TBCD: variants seen among roughly 807,000 people sequenced by gnomAD.
TBCD encodes tubulin-specific chaperone D.
TBCD carries 105 observed loss-of-function variants against 169.3 expected under a neutral mutation model. The observed-to-expected ratio is 0.62, with a 90% CI of 0.53 to 0.73. TBCD has a LOEUF of 0.73. TBCD is among the 30% of genes least tolerant of loss of function. The pLI, the probability that TBCD is intolerant of heterozygous loss-of-function variation, is 0.00. For synonymous variants in TBCD, 700 were observed against 643.9 expected (o/e 1.09, Z -1.32); for missense variants, 1,444 against 1,600.1 (o/e 0.90, Z 1.66).
At chr17:82,817,270 A>G (rs2051997640) in intron 13 of TBCD, among the ~76,000 whole-genome samples, 1 of 152,066 alleles carries the variant, frequency 6.6e-6, no homozygotes, top group Non-Finnish European at 1.5e-5. Context: ...AGTTGGGACT[A>G]CAGGGGTGCA....
At chr17:82,902,145 A>T (rs1322619806) in intron 18 of TBCD, among the ~76,000 whole-genome samples, 1 of 151,934 alleles carries the variant, frequency 6.6e-6, no homozygotes, top group Admixed American at 6.6e-5. Context: ...TCTCTTCCTA[A>T]TGTATTGACC....
At chr17:82,762,916 CCTT>C (rs1482892271) in intron 2 of TBCD, among the ~76,000 whole-genome samples, 3 of 152,196 alleles carry the variant, frequency 2.0e-5, no homozygotes, top group South Asian at 4.1e-4. Flanking sequence ...CTCGTTGTGT[CCTT>C]CTCTGCGTTT....
intron 17 of TBCD, among the ~76,000 whole-genome samples, chr17:82,899,625 T>G (rs895874431): frequency 6.6e-6 from 1 of 152,408 alleles, no homozygotes; most frequent in Non-Finnish European, 1.5e-5. Flanking sequence ...GAAATCATCT[T>G]CATGTGGATG....
At position 82,832,161 on chromosome 17, in the gene TBCD, G is replaced by T; in HGVS notation, c.1318+17227G>T. 6.2e-7 allele frequency: 1 copy of T among 1,614,234 alleles called. No individual in the cohort carries two copies. On this transcript the variant is annotated intron_variant, in intron 13 of 38. Transcript: ENST00000355528. This position sits in a 1 kb window ranked among gnomAD's most constrained non-coding sequence, Gnocchi z 4.9. ...CAGAGCTGTGCTGAAGCTTCGAGTC[G>T]AAGGCAGAGAGTCCATTTGCGACAG...
chr17:82,920,579 T>G lies in TBCD; in HGVS notation c.2062T>G (p.Ser688Ala). Residue 688 changes from serine (S) to alanine (A), a missense_variant, in exon 24 of 39, where the codon TCA (serine) becomes GCA (alanine). By Grantham distance (99) the Ser-to-Ala change is moderately conservative. Transcript: ENST00000355528. This position sits in a 1 kb window ranked among gnomAD's most constrained non-coding sequence, Gnocchi z 4.1. ...QAVCVLIEKL[S>A]LSKMPFRGDT... is the part of the protein sequence containing the mutation. Reference sequence around the variant, plus strand: ...AGTGTGTGTTTTAATAGAAAAGTTGTCACTTTCCAAAATGCCCTTTAGAGG... The same window carrying G: ...AGTGTGTGTTTTAATAGAAAAGTTGGCACTTTCCAAAATGCCCTTTAGAGG... 3 of 1,549,110 alleles carry G rather than the reference T, an allele frequency of 1.9e-6. No homozygotes were observed. Among genetic ancestry groups the G allele is most frequent in the Non-Finnish European group, 2.6e-6 (3 of 1,147,316 alleles).
At chr17:82,861,348 ACGT>A (rs1567908432) in intron 13 of TBCD, among the ~76,000 whole-genome samples, 4 of 84,754 alleles carry the variant, frequency 4.7e-5, no homozygotes, top group Non-Finnish European at 5.3e-5. Flanking sequence ...CCGCTGGTTC[ACGT>A]CAGCCGCTGG....
chr17:82,942,355 T>TC, intron 38 of TBCD, 94 bp from the exon 39 acceptor site: 1 of 1,570,100 alleles, frequency 6.4e-7, no homozygotes, highest in Non-Finnish European at 8.7e-7. Flanking sequence ...ACCGTGTCAG[T>TC]CCCCACACAG....
chr17:82,819,074 AG>A (rs555332079), intron 13 of TBCD, among the ~76,000 whole-genome samples: 108 of 152,376 alleles, frequency 7.1e-4, no homozygotes, highest in African/African-American at 2.6e-3. Flanking sequence ...AAGAAAAAAA[AG>A]CGCGAAAACA....
In TBCD at chr17:82,835,596, T is replaced by G. The variant is rs1185709990; in HGVS notation, c.1318+20662T>G. Among the ~76,000 whole-genome samples the G allele has an allele frequency of 6.6e-6, 1 of 152,066 alleles. No homozygotes were observed. Among genetic ancestry groups the G allele is most frequent in the Non-Finnish European group, 1.5e-5 (1 of 68,010 alleles). ...TACCACCACGCCCAGCTAATTTTTT[T>G]GTAATTTTAGTAGAGATGGGGTTTC... On this transcript the variant is annotated intron_variant, in intron 13 of 38. Transcript: ENST00000355528. The surrounding 1 kb of genome is among the most constrained non-coding windows in gnomAD (Gnocchi z 4.5).
intron 8 of TBCD, among the ~76,000 whole-genome samples, chr17:82,799,262 G>A (rs1164755049): frequency 6.6e-6 from 1 of 151,802 alleles, no homozygotes; most frequent in Non-Finnish European, 1.5e-5. Context: ...GGCCAACATA[G>A]TGAAACCCCA....
At chr17:82,894,534 G>T (rs2059354138) in intron 17 of TBCD, among the ~76,000 whole-genome samples, 1 of 152,214 alleles carries the variant, frequency 6.6e-6, no homozygotes, top group African/African-American at 2.4e-5. Context: ...ACCAGCCTGG[G>T]CAGAATTTTG....
chr17:82,768,156 T>C (rs755218627), intron 4 of TBCD, among the ~76,000 whole-genome samples: 10 of 152,124 alleles, frequency 6.6e-5, no homozygotes, highest in Non-Finnish European at 1.2e-4. Context: ...TATACTGATG[T>C]ATTATGATTT....
chr17:82,802,110 C>T (rs1025449143), intron 9 of TBCD, among the ~76,000 whole-genome samples: 1 of 147,080 alleles, frequency 6.8e-6, no homozygotes, highest in East Asian at 2.0e-4. Flanking sequence ...ATGACAGGCT[C>T]CCTTTCAAAG....
chr17:82,849,847 C>T (rs2055501765), intron 13 of TBCD, among the ~76,000 whole-genome samples: 2 of 152,278 alleles, frequency 1.3e-5, no homozygotes, highest in South Asian at 4.1e-4. Flanking sequence ...AGAAGCGAAG[C>T]AGTAGCCCCC....
rs768508186 is a variant in TBCD, at chr17:82,831,417, G to A, written c.1318+16483G>A. 1.2e-6 allele frequency: 2 copies of A among 1,614,210 alleles called. No individual in the cohort carries two copies. The highest frequency in any genetic ancestry group is 1.1e-5 in the South Asian group (1 of 91,090). Reference sequence around the variant, plus strand: ...GGGTGGCTTCTTCAAGCAGGTGAGAGCTCTGATCTCGGGTGAGGCCAGTGA... The same window carrying A: ...GGGTGGCTTCTTCAAGCAGGTGAGAACTCTGATCTCGGGTGAGGCCAGTGA... On this transcript the variant is annotated intron_variant, in intron 13 of 38. Coordinates refer to ENST00000355528, the MANE Select transcript of TBCD (RefSeq NM_005993.5). The surrounding 1 kb of genome is among the most constrained non-coding windows in gnomAD (Gnocchi z 4.6).
At chr17:82,924,898 G>C (rs1178658095) in intron 26 of TBCD, 41 bp from the exon 27 acceptor site, 5 of 1,492,330 alleles carry the variant, frequency 3.4e-6, no homozygotes, top group Non-Finnish European at 4.6e-6. Flanking sequence ...TACACGATGG[G>C]CAGCAGAGGG....
intron 13 of TBCD, among the ~76,000 whole-genome samples, chr17:82,846,809 A>G (rs937919992): frequency 6.6e-6 from 1 of 152,220 alleles, no homozygotes; most frequent in Non-Finnish European, 1.5e-5. Flanking sequence ...AACAGAGCGC[A>G]GCTGAGAAGG....
chr17:82,910,103 T>C (rs1264324399), intron 22 of TBCD, among the ~76,000 whole-genome samples: 1 of 152,248 alleles, frequency 6.6e-6, no homozygotes, highest in African/African-American at 2.4e-5. Flanking sequence ...GTAGGGAAGC[T>C]GCTGTGCACA....
chr17:82,758,787 G>A lies in TBCD; in HGVS notation c.235+2572G>A, dbSNP rs149238625. On this transcript the variant is annotated intron_variant, in intron 2 of 38. Transcript: ENST00000355528. ...CGATTCTCCTGCCTCAGCCTCCAGC[G>A]TAGCTGGGATTACAGGCGTGTGCTA... Among the ~76,000 whole-genome samples, 11 of 150,462 alleles carry A rather than the reference G, an allele frequency of 7.3e-5. No individual in the cohort carries two copies. In the East Asian group the frequency reaches 2.0e-3, roughly 27 times the overall value.
Sources: allele counts gnomAD v4.1 joint callset (sites outside exome capture counted in the v4.1 genomes callset), GRCh38; gene constraint gnomAD v4.1.1; non-coding constraint Gnocchi (gnomAD v3.1); transcripts MANE v1.5; gene names NCBI Gene and HGNC (gene_info 2026-07-23, HGNC 2026-07-21).